The following VPS11 variants were observed in gnomAD, a reference collection of about 807,000 sequenced individuals.
The protein encoded by VPS11 is VPS11 core subunit of CORVET and HOPS complexes, also known as vacuolar protein sorting-associated protein 11 homolog.
VPS11 carries 51 observed loss-of-function variants against 106.8 expected under a neutral mutation model. The observed-to-expected ratio is 0.48, with a 90% CI of 0.38 to 0.60. VPS11 has a LOEUF of 0.60. Ranked by LOEUF, VPS11 falls within the 20% of genes least tolerant of loss-of-function variation. The probability of loss-of-function intolerance (pLI) is 0.00; values close to 1 mark genes in which losing one functional copy is unlikely to be tolerated. For missense variants in VPS11, 950 were observed against 1,190.0 expected (o/e 0.80, Z 2.97); for synonymous variants, 453 against 458.7 (o/e 0.99, Z 0.16).
chr11:119,081,886 C>T lies in VPS11; in HGVS notation c.*263C>T. ...AGCAACCTCTGAGTGTGGACAATAG[C>T]TGCTTTCTTCTCTATCCAAGAGCAC... is the stretch of plus-strand genomic sequence containing the variant. On this transcript the variant is annotated 3_prime_UTR_variant, in exon 16 of 16. Transcript: ENST00000621676. 2 of 478,852 alleles carry T rather than the reference C, an allele frequency of 4.2e-6. No individual in the cohort carries two copies. The highest frequency in any genetic ancestry group is 7.4e-6 in the Non-Finnish European group (2 of 269,902). 29.7% of individuals were successfully genotyped at this position (478,852 alleles called of 1,614,324 possible). A position where few individuals can be genotyped will look rare whatever the true frequency, so the allele number is the denominator to read the frequency against.
intron 7 of VPS11, among the ~76,000 whole-genome samples, chr11:119,075,182 GC>G (rs1945557320): frequency 6.6e-6 from 1 of 151,698 alleles, no homozygotes; most frequent in South Asian, 2.1e-4. Context: ...CAGGAGAATG[GC>G]CTGAACCCCA....
Position 119,078,234 on chromosome 11 carries a change from T to G in VPS11, c.1823T>G (p.Leu608Arg). 1 of 1,613,758 alleles carries G rather than the reference T, an allele frequency of 6.2e-7. No individual in the cohort carries two copies. The highest frequency in any genetic ancestry group is 8.5e-7 in the Non-Finnish European group (1 of 1,179,874). The change falls in exon 11 of 16, where the codon CTA becomes CGA. Residue 608 changes from leucine to arginine, a missense_variant. Transcript: ENST00000621676. ...AACCCGCGAGAGCTGAAAGCCTTCC[T>G]AGAGCACATGAGTGAAGTGCAGCCA... ...ANNPRELKAF[L>R]EHMSEVQPDS...
At chr11:119,074,360 A>G (rs1439130937) in intron 7 of VPS11, among the ~76,000 whole-genome samples, 1 of 152,050 alleles carries the variant, frequency 6.6e-6, no homozygotes, top group African/African-American at 2.4e-5. Flanking sequence ...TGCTGGGATT[A>G]CAGGCATGAG....
In VPS11 at chr11:119,078,697, G is replaced by A; in HGVS notation, c.2056G>A (p.Gly686Arg). Residue 686 changes from glycine to arginine, a missense_variant, in exon 12 of 16, where the codon GGG becomes AGG. This residue lies in a region of VPS11 where 453 missense variants were observed against 514.6 expected (regional missense o/e 0.88). Transcript: ENST00000621676. ...TGGTGTCCTTTACCTTTATGAGCAGGGGAAGCTGTAAGAGTTTGGGGAATT... is the reference window on the plus strand; with the variant it reads ...TGGTGTCCTTTACCTTTATGAGCAGAGGAAGCTGTAAGAGTTTGGGGAATT... The part of the protein sequence containing the change: ...QDGVLYLYEQ[G>R]KLFQQIMHYH... The A allele has an allele frequency of 1.2e-6, 2 of 1,611,570 alleles. No individual in the cohort carries two copies. Among genetic ancestry groups the A allele is most frequent in the Non-Finnish European group, 1.7e-6 (2 of 1,178,400 alleles).
intron 5 of VPS11, chr11:119,072,808 G>T (rs563054187): frequency 2.2e-4 from 38 of 172,256 alleles, no homozygotes; most frequent in African/African-American, 9.0e-4. Context: ...TTTTGTTTTG[G>T]TTTTATTTTT....
At position 119,081,880 on chromosome 11, in the gene VPS11, C is replaced by T; in HGVS notation, c.*257C>T. The T allele has an allele frequency of 4.0e-6, 2 of 497,110 alleles. No homozygotes were observed. Among genetic ancestry groups the T allele is most frequent in the South Asian group, 6.2e-5 (2 of 32,080 alleles). 30.8% of individuals were successfully genotyped at this position (497,110 alleles called of 1,614,324 possible). On this transcript the variant is annotated 3_prime_UTR_variant, in exon 16 of 16. Transcript: ENST00000621676. Reference sequence around the variant, plus strand: ...CACCTCAGCAACCTCTGAGTGTGGACAATAGCTGCTTTCTTCTCTATCCAA... The same window carrying T: ...CACCTCAGCAACCTCTGAGTGTGGATAATAGCTGCTTTCTTCTCTATCCAA...
intron 7 of VPS11, among the ~76,000 whole-genome samples, chr11:119,074,232 G>A (rs181066060): frequency 1.2e-4 from 18 of 151,606 alleles, no homozygotes; most frequent in Non-Finnish European, 2.1e-4. Context: ...TTACAGGCGC[G>A]TGCCACCACA....
rs58964150 is a variant in VPS11, at chr11:119,071,891, C to A, written c.884+48C>A. The A allele has an allele frequency of 2.0e-3, 3,088 of 1,580,092 alleles. 61 individuals carry two copies. The African/African-American group carries it at 0.036, about 19-fold the overall frequency. ...CAGGGAGAGGGCTGGACTTGTTCCC[C>A]AGAATCCGCCTGATTTTAAAATCCT... On this transcript the variant is annotated intron_variant, in intron 5 of 15. Coordinates refer to ENST00000621676, the MANE Select transcript of VPS11 (RefSeq NM_021729.6).
At chr11:119,081,406 G>A in intron 15 of VPS11, 53 bp from the exon 16 acceptor site, 1 of 1,612,072 alleles carries the variant, frequency 6.2e-7, no homozygotes, top group Admixed American at 1.7e-5. Context: ...CCTCATTTAA[G>A]AAACAAGCAC....
At chr11:119,074,792 T>C (rs72997349) in intron 7 of VPS11, among the ~76,000 whole-genome samples, 2,690 of 152,296 alleles carry the variant, frequency 0.018, 26 homozygotes, top group Non-Finnish European at 0.027. Flanking sequence ...TCAAATATTA[T>C]ATGACCAGTA....
At chr11:119,069,128 G>C in intron 1 of VPS11, 68 bp from the exon 2 acceptor site, 3 of 1,586,688 alleles carry the variant, frequency 1.9e-6, no homozygotes, top group Non-Finnish European at 2.6e-6. Flanking sequence ...ACATGTAATT[G>C]TTATCTGAGT....
At chr11:119,075,394 A>G (rs915941108) in intron 7 of VPS11, among the ~76,000 whole-genome samples, 5 of 151,812 alleles carry the variant, frequency 3.3e-5, no homozygotes, top group African/African-American at 1.2e-4. Flanking sequence ...ATTTCTAACA[A>G]TAAATAAATA....
intron 7 of VPS11, among the ~76,000 whole-genome samples, chr11:119,075,288 C>T (rs576110): frequency 6.6e-6 from 1 of 151,674 alleles, no homozygotes; most frequent in African/African-American, 2.4e-5. Context: ...TTGTCTAAGG[C>T]TGGGGTGCAG....
chr11:119,073,468 G>A, intron 6 of VPS11, 69 bp downstream of exon 6: 1 of 1,553,564 alleles, frequency 6.4e-7, no homozygotes, highest in East Asian at 2.3e-5. Flanking sequence ...GGTTCCCCAA[G>A]TCATATTGGC....
At chr11:119,078,357 G>A in intron 11 of VPS11, 23 bp downstream of exon 11, 1 of 1,605,002 alleles carries the variant, frequency 6.2e-7, no homozygotes, top group Non-Finnish European at 8.5e-7. Flanking sequence ...CAGGGCTTCA[G>A]GAGAAAAGAC....
chr11:119,070,003 T>TAAATAAATAAA (rs1192243381), intron 3 of VPS11, among the ~76,000 whole-genome samples: 5 of 149,836 alleles, frequency 3.3e-5, no homozygotes, highest in Non-Finnish European at 5.9e-5. Flanking sequence ...TGTCTCAAAA[T>TAAATAAATAAA]AAATAAATAA....
At chr11:119,080,644 C>G (rs1468594941) in intron 14 of VPS11, among the ~76,000 whole-genome samples, 3 of 152,212 alleles carry the variant, frequency 2.0e-5, no homozygotes, top group African/African-American at 7.2e-5. Flanking sequence ...GCTGGGATTA[C>G]AGGTGTGAGC....
At chr11:119,069,860 T>C (rs900193308) in intron 3 of VPS11, among the ~76,000 whole-genome samples, 1 of 151,888 alleles carries the variant, frequency 6.6e-6, no homozygotes. Context: ...TAGTTGGGTG[T>C]AGTGGCACAT....
chr11:119,079,493 ATAT>A (rs1478421112), intron 14 of VPS11, among the ~76,000 whole-genome samples, 193 bp downstream of exon 14: 1 of 152,194 alleles, frequency 6.6e-6, no homozygotes, highest in Non-Finnish European at 1.5e-5. Context: ...GCTTTGGATG[ATAT>A]TATTTTGTAG....
Sources: gnomAD v4.1 joint callset for allele counts (sites outside exome capture counted in the v4.1 genomes callset) on GRCh38, gnomAD v4.1.1 for gene constraint, gnomAD v4.1.1 regional missense constraint, MANE v1.5 for transcripts, NCBI Gene and HGNC (gene_info 2026-07-23, HGNC 2026-07-21) for gene names.